The following LDAH variants were observed in gnomAD, a reference collection of about 807,000 sequenced individuals.
The protein encoded by LDAH is lipid droplet associated hydrolase, also known as lipid droplet-associated hydrolase.
A neutral mutation model predicts 29.6 loss-of-function variants in LDAH; 26 were observed. That is an observed-to-expected ratio of 0.88 (90% CI 0.64 to 1.22). The LOEUF (loss-of-function observed/expected upper bound fraction) is 1.22. Ranked by LOEUF, LDAH falls within the 50% of genes most tolerant of loss-of-function variation. The pLI, the probability that LDAH is intolerant of heterozygous loss-of-function variation, is 0.00. For synonymous variants in LDAH, 117 were observed against 133.0 expected, an observed-to-expected ratio of 0.88 and a Z score of 0.83; for missense variants, 344 against 387.3, an observed-to-expected ratio of 0.89 and a Z score of 0.94.
intron 4 of LDAH, among the ~76,000 whole-genome samples, chr2:20,769,867 G>T (rs1348253517): frequency 6.6e-6 from 1 of 152,090 alleles, no homozygotes; most frequent in Admixed American, 6.5e-5. Context: ...GTAGTTACTG[G>T]TTTTCTCTGC....
At chr2:20,802,074 G>A (rs587381) in intron 1 of LDAH, among the ~76,000 whole-genome samples, 20,821 of 150,072 alleles carry the variant, frequency 0.14, 3,480 homozygotes, top group African/African-American at 0.4. Flanking sequence ...CAATATACAT[G>A]TATATATATA....
intron 6 of LDAH, among the ~76,000 whole-genome samples, chr2:20,699,101 T>C (rs1158029367): frequency 2.0e-5 from 3 of 152,166 alleles, no homozygotes; most frequent in African/African-American, 7.2e-5. Context: ...GGCACAAAGA[T>C]ATATTTTTCA....
chr2:20,724,632 A>C (rs1309102056), intron 5 of LDAH, among the ~76,000 whole-genome samples: 1 of 152,222 alleles, frequency 6.6e-6, no homozygotes, highest in Non-Finnish European at 1.5e-5. Flanking sequence ...AAGTGAGATG[A>C]ATAACTGAAG....
At chr2:20,772,160 G>C (rs1369380825) in intron 4 of LDAH, among the ~76,000 whole-genome samples, 2 of 152,138 alleles carry the variant, frequency 1.3e-5, no homozygotes, top group Admixed American at 1.3e-4. Flanking sequence ...ACACACAAAA[G>C]AGAAACCACA....
intron 5 of LDAH, among the ~76,000 whole-genome samples, chr2:20,708,668 T>C (rs1018389596): frequency 5.3e-5 from 8 of 152,106 alleles, no homozygotes; most frequent in Non-Finnish European, 7.4e-5. Flanking sequence ...TCACATGACA[T>C]AGGAAATAAA....
At chr2:20,712,565 A>C (rs571082072) in intron 5 of LDAH, among the ~76,000 whole-genome samples, 146 of 152,212 alleles carry the variant, frequency 9.6e-4, no homozygotes, top group Non-Finnish European at 1.7e-3. Context: ...TAGGCTTCTG[A>C]AGGTCGGTAA....
intron 3 of LDAH, among the ~76,000 whole-genome samples, chr2:20,785,338 GTTATTTT>G (rs1670476992): frequency 6.6e-6 from 1 of 152,096 alleles, no homozygotes; most frequent in African/African-American, 2.4e-5. Context: ...CCAGGTAAGT[GTTATTTT>G]TCATTCGACA....
chr2:20,772,929 T>C (rs921483408), intron 4 of LDAH, among the ~76,000 whole-genome samples: 2 of 152,190 alleles, frequency 1.3e-5, no homozygotes, highest in African/African-American at 4.8e-5. Flanking sequence ...CTGGAAGACA[T>C]GTTGGTTAAA....
intron 4 of LDAH, among the ~76,000 whole-genome samples, chr2:20,754,258 C>A (rs1402168913): frequency 6.6e-6 from 1 of 151,894 alleles, no homozygotes; most frequent in Non-Finnish European, 1.5e-5. Flanking sequence ...GAAGCTGAGG[C>A]AGGCAGATTG....
At chr2:20,710,020 G>C (rs1664596794) in intron 5 of LDAH, among the ~76,000 whole-genome samples, 1 of 152,102 alleles carries the variant, frequency 6.6e-6, no homozygotes, top group Non-Finnish European at 1.5e-5. Flanking sequence ...ACTAGAAAGA[G>C]AAGAGCAGTT....
chr2:20,751,938 T>C (rs1461774310), intron 4 of LDAH, among the ~76,000 whole-genome samples: 1 of 152,200 alleles, frequency 6.6e-6, no homozygotes, highest in Non-Finnish European at 1.5e-5. Context: ...TTGCCCAAGC[T>C]AGAGTGCAGT....
chr2:20,691,042 G>A (rs1335566488), intron 6 of LDAH, among the ~76,000 whole-genome samples: 1 of 152,142 alleles, frequency 6.6e-6, no homozygotes, highest in East Asian at 1.9e-4. Context: ...TGTACCTTTT[G>A]CTACTACTTA....
At chr2:20,773,962 G>C (rs1669612628) in intron 4 of LDAH, among the ~76,000 whole-genome samples, 1 of 152,130 alleles carries the variant, frequency 6.6e-6, no homozygotes, top group Admixed American at 6.5e-5. Flanking sequence ...ACATCTATTG[G>C]TTAGACTGTC....
chr2:20,741,576 TTCTG>T (rs1418624130), intron 4 of LDAH, among the ~76,000 whole-genome samples: 3 of 152,188 alleles, frequency 2.0e-5, no homozygotes, highest in Admixed American at 2.0e-4. Flanking sequence ...ACGTTATTAC[TTCTG>T]TCTATTTGAG....
chr2:20,696,873 C>G (rs373661776), intron 6 of LDAH, among the ~76,000 whole-genome samples: 4 of 152,108 alleles, frequency 2.6e-5, no homozygotes, highest in African/African-American at 9.7e-5. Context: ...TCCTTCCCAC[C>G]CTTCTTACCT....
At chr2:20,769,533 C>T (rs1353577854) in intron 4 of LDAH, among the ~76,000 whole-genome samples, 2 of 152,154 alleles carry the variant, frequency 1.3e-5, no homozygotes, top group East Asian at 3.9e-4. Flanking sequence ...GTAAGTAAAC[C>T]ACAGTCTCAA....
chr2:20,734,018 A>G (rs1572504631), intron 5 of LDAH, among the ~76,000 whole-genome samples: 1 of 152,196 alleles, frequency 6.6e-6, no homozygotes, highest in East Asian at 1.9e-4. Flanking sequence ...AATGATATCA[A>G]CATGTTGATA....
chr2:20,792,022 C>T (rs775474668), intron 2 of LDAH, among the ~76,000 whole-genome samples: 1 of 151,918 alleles, frequency 6.6e-6, no homozygotes, highest in African/African-American at 2.4e-5. Context: ...AGGGCAAATC[C>T]CTTCCCTTTT....
intron 5 of LDAH, among the ~76,000 whole-genome samples, chr2:20,723,440 T>C (rs1665798414): frequency 6.6e-6 from 1 of 152,134 alleles, no homozygotes; most frequent in Non-Finnish European, 1.5e-5. Flanking sequence ...ATGTTTTAAG[T>C]ACTTTTTTGT....
Sources: allele counts gnomAD v4.1 joint callset (sites outside exome capture counted in the v4.1 genomes callset), GRCh38; gene constraint gnomAD v4.1.1; transcripts MANE v1.5; gene names NCBI Gene and HGNC (gene_info 2026-07-23, HGNC 2026-07-21).